MAP3K1: variants seen among roughly 807,000 people sequenced by gnomAD.
MAP3K1 encodes the protein mitogen-activated protein kinase kinase kinase 1.
A neutral mutation model predicts 144.2 loss-of-function variants in MAP3K1; 36 were observed. That is an observed-to-expected ratio of 0.25 (90% CI 0.19 to 0.33). The LOEUF (loss-of-function observed/expected upper bound fraction) is 0.33. Ranked by LOEUF, MAP3K1 falls within the 10% of genes least tolerant of loss-of-function variation. MAP3K1 has a pLI of 1.00. For missense variants in MAP3K1, 1,650 were observed against 1,881.9 expected (o/e 0.88, Z 2.28); for synonymous variants, 718 against 688.7 (o/e 1.04, Z -0.67).
intron 16 of MAP3K1, 51 bp from the exon 17 acceptor site, chr5:56,885,881 T>C (rs1370066669): frequency 6.5e-7 from 1 of 1,550,324 alleles, no homozygotes; most frequent in Admixed American, 1.7e-5. Flanking sequence ...GTGTAATAAA[T>C]ACTTTTAATT....
At chr5:56,859,275 T>C (rs1747430888) in intron 2 of MAP3K1, among the ~76,000 whole-genome samples, 1 of 152,094 alleles carries the variant, frequency 6.6e-6, no homozygotes, top group Non-Finnish European at 1.5e-5. Flanking sequence ...TGTTTCAAGG[T>C]CCTACATTTT....
At chr5:56,888,705 AT>A (rs1418142996) in intron 19 of MAP3K1, among the ~76,000 whole-genome samples, 3 of 152,238 alleles carry the variant, frequency 2.0e-5, no homozygotes, top group African/African-American at 7.2e-5. Flanking sequence ...GTGTTGTCAG[AT>A]GATTTTGCGG....
intron 10 of MAP3K1, among the ~76,000 whole-genome samples, chr5:56,878,242 C>T (rs1748099558): frequency 6.6e-6 from 1 of 151,988 alleles, no homozygotes; most frequent in Admixed American, 6.6e-5. Flanking sequence ...ATTACTACAC[C>T]ATTAAAAATG....
At chr5:56,817,478 G>A (rs1421382690) in intron 1 of MAP3K1, among the ~76,000 whole-genome samples, 1 of 152,168 alleles carries the variant, frequency 6.6e-6, no homozygotes, top group African/African-American at 2.4e-5. Context: ...GTATTTGGAA[G>A]TCCCCTTCCT....
At chr5:56,865,735 A>C in intron 5 of MAP3K1, 94 bp from the exon 6 acceptor site, 5 of 1,340,926 alleles carry the variant, frequency 3.7e-6, no homozygotes, top group South Asian at 1.2e-5. Flanking sequence ...TATGAAAAAC[A>C]TGCAAATTAA....
At chr5:56,823,194 C>A (rs1746206038) in intron 1 of MAP3K1, among the ~76,000 whole-genome samples, 1 of 152,290 alleles carries the variant, frequency 6.6e-6, no homozygotes, top group South Asian at 2.1e-4. Context: ...CGAGTCCCTG[C>A]CCGGTTGGGC....
chr5:56,830,681 T>C (rs1746458773), intron 1 of MAP3K1, among the ~76,000 whole-genome samples: 1 of 152,228 alleles, frequency 6.6e-6, no homozygotes, highest in Non-Finnish European at 1.5e-5. Context: ...GCTGTCCTTC[T>C]GCTTTATACT....
At chr5:56,827,141 G>A (rs1277627750) in intron 1 of MAP3K1, among the ~76,000 whole-genome samples, 2 of 152,230 alleles carry the variant, frequency 1.3e-5, no homozygotes, top group South Asian at 2.1e-4. Flanking sequence ...AGGACTGCAA[G>A]TGTAGTTCAG....
intron 1 of MAP3K1, among the ~76,000 whole-genome samples, chr5:56,816,654 G>A (rs1229363167): frequency 1.3e-5 from 2 of 152,180 alleles, no homozygotes; most frequent in Non-Finnish European, 2.9e-5. Context: ...GGACGCAGGC[G>A]GCGCGCCCCC....
chr5:56,890,605 ACCAAGTG>A (rs1748520097), intron 19 of MAP3K1, among the ~76,000 whole-genome samples: 1 of 152,198 alleles, frequency 6.6e-6, no homozygotes, highest in African/African-American at 2.4e-5. Context: ...CTCTAGAAGT[ACCAAGTG>A]CCAAGTTCAG....
In MAP3K1 at chr5:56,881,790, G is replaced by A; in HGVS notation, c.2590G>A (p.Glu864Lys). 1.9e-6 allele frequency: 3 copies of A among 1,614,128 alleles called. No homozygotes were observed. Among genetic ancestry groups the A allele is most frequent in the Non-Finnish European group, 2.5e-6 (3 of 1,180,020 alleles). ...TTTGATGGCTATTGCAGATGAGGTGGAAATTGCCGAAGCCATCCAGTTGGG... is the reference window on the plus strand; with the variant it reads ...TTTGATGGCTATTGCAGATGAGGTGAAAATTGCCGAAGCCATCCAGTTGGG... ...RRLMAIADEV[E>K]IAEAIQLGVE... is the part of the protein sequence containing the mutation. Residue 864 changes from glutamate to lysine, a missense_variant, in exon 14 of 20, where the codon GAA (glutamate) becomes AAA (lysine). Around this residue, in one of 6 missense-constraint regions of MAP3K1, gnomAD observed 841 missense variants for 886.5 expected, o/e 0.95. Transcript: ENST00000399503.
chr5:56,872,918 G>T lies in MAP3K1; in HGVS notation c.1599G>T (p.Arg533Ser). ...VQQQPLAGSRRNQESNFNLTH... is the reference protein window; with the variant it reads ...VQQQPLAGSRSNQESNFNLTH... ...AGCAGCCTTTGGCTGGATCACGAAG[G>T]AATCAAGAGAGCAATTTTAACCTTA... Residue 533 changes from arginine to serine, a missense_variant, in exon 9 of 20, where the codon AGG (arginine) becomes AGT (serine). Transcript: ENST00000399503. 1 of 1,614,114 alleles carries T rather than the reference G, an allele frequency of 6.2e-7. No individual in the cohort carries two copies. Among genetic ancestry groups the T allele is most frequent in the South Asian group, 1.1e-5 (1 of 91,074 alleles).
At position 56,893,698 on chromosome 5, in the gene MAP3K1, C is replaced by T. The variant is rs1748619291; in HGVS notation, c.*18C>T. ...CATGGTAGCCAATTATGCAGATCAA[C>T]TACAGTAGAAACAGGATGCTCAACA... On this transcript the variant is annotated 3_prime_UTR_variant, in exon 20 of 20. Coordinates refer to ENST00000399503, the MANE Select transcript of MAP3K1 (RefSeq NM_005921.2). 1 of 1,613,276 alleles carries T rather than the reference C, an allele frequency of 6.2e-7. No individual in the cohort carries two copies. Among genetic ancestry groups the T allele is most frequent in the Admixed American group, 1.7e-5 (1 of 59,942 alleles).
At chr5:56,835,277 G>A (rs540071790) in intron 1 of MAP3K1, among the ~76,000 whole-genome samples, 2 of 152,182 alleles carry the variant, frequency 1.3e-5, no homozygotes, top group South Asian at 4.1e-4. Context: ...GACCACTGCA[G>A]GTTAGGAGAC....
intron 3 of MAP3K1, among the ~76,000 whole-genome samples, chr5:56,862,412 A>G (rs1409986462): frequency 2.0e-5 from 3 of 152,176 alleles, no homozygotes; most frequent in Admixed American, 2.0e-4. Context: ...ACTGGGAGGT[A>G]TGGTTCATGG....
At chr5:56,848,390 G>A (rs559819183) in intron 1 of MAP3K1, among the ~76,000 whole-genome samples, 1 of 152,262 alleles carries the variant, frequency 6.6e-6, no homozygotes, top group Admixed American at 6.5e-5. Flanking sequence ...CATCTGCATG[G>A]TGTTACTTCT....
intron 1 of MAP3K1, among the ~76,000 whole-genome samples, chr5:56,841,765 GTTC>G (rs1200614783): frequency 6.6e-6 from 1 of 152,100 alleles, no homozygotes; most frequent in Non-Finnish European, 1.5e-5. Flanking sequence ...GATTTCATAG[GTTC>G]TTAAGTTCCA....
At chr5:56,861,214 A>G (rs1747497922) in intron 3 of MAP3K1, among the ~76,000 whole-genome samples, 1 of 152,214 alleles carries the variant, frequency 6.6e-6, no homozygotes. Flanking sequence ...ATGTGGTTTC[A>G]GATTCCACAT....
At chr5:56,880,095 T>C (rs1748161448) in intron 11 of MAP3K1, among the ~76,000 whole-genome samples, 2 of 152,244 alleles carry the variant, frequency 1.3e-5, no homozygotes, top group African/African-American at 2.4e-5. Flanking sequence ...CTGTAAAATA[T>C]TGCAAATTAA....
Sources: gnomAD v4.1 joint callset for allele counts (sites outside exome capture counted in the v4.1 genomes callset) on GRCh38, gnomAD v4.1.1 for gene constraint, gnomAD v4.1.1 regional missense constraint, MANE v1.5 for transcripts, NCBI Gene and HGNC (gene_info 2026-07-23, HGNC 2026-07-21) for gene names.